Variants in ARL6IP6 observed in about 807,000 individuals in gnomAD.
ARL6IP6 encodes the protein ARF like GTPase 6 interacting protein 6, also known as ADP-ribosylation factor-like protein 6-interacting protein 6.
In ARL6IP6, 22 loss-of-function variants were observed where a neutral mutation model predicts 21.5. The observed-to-expected ratio is 1.02, with a 90% CI of 0.73 to 1.46. ARL6IP6 has a LOEUF of 1.46. ARL6IP6 is among the 40% of genes most tolerant of loss of function. The pLI, the probability that ARL6IP6 is intolerant of heterozygous loss-of-function variation, is 0.00. For synonymous variants in ARL6IP6, 164 were observed against 125.3 expected, an observed-to-expected ratio of 1.31 and a Z score of -2.06; for missense variants, 388 against 299.8, an observed-to-expected ratio of 1.29 and a Z score of -2.17.
At chr2:152,726,041 T>C (rs547188954) in intron 2 of ARL6IP6, among the ~76,000 whole-genome samples, 1 of 152,352 alleles carries the variant, frequency 6.6e-6, no homozygotes, top group Non-Finnish European at 1.5e-5. Flanking sequence ...TTTAACAGGA[T>C]TGCCCATGAA....
At position 152,761,917 on chromosome 2, in the gene ARL6IP6, A is replaced by G. The variant is rs1199857872; in HGVS notation, c.*2077A>G. On this transcript the variant is annotated 3_prime_UTR_variant, in exon 4 of 4. Transcript: ENST00000326446. Reference sequence around the variant, plus strand: ...ATGACTATATATACCTACAAGATATATATTAATATAGATAAATATAGAGAG... The same window carrying G: ...ATGACTATATATACCTACAAGATATGTATTAATATAGATAAATATAGAGAG... Among the ~76,000 whole-genome samples, 5 of 152,192 alleles carry G rather than the reference A, an allele frequency of 3.3e-5. No individual in the cohort carries two copies. Among genetic ancestry groups the G allele is most frequent in the African/African-American group, 1.2e-4 (5 of 41,438 alleles).
intron 3 of ARL6IP6, among the ~76,000 whole-genome samples, chr2:152,737,188 A>G (rs957176391): frequency 2.0e-5 from 3 of 152,162 alleles, no homozygotes; most frequent in Non-Finnish European, 2.9e-5. Flanking sequence ...TTAGCTTGAC[A>G]TCCCCCTCAT....
chr2:152,753,138 CA>C lies in ARL6IP6; in HGVS notation c.588-6599del, dbSNP rs557672257. 1.3e-4 allele frequency among the ~76,000 whole-genome samples: 19 copies of C among 146,358 alleles called. 1 individual carries two copies. Among genetic ancestry groups the C allele is most frequent in the South Asian group, 6.5e-4 (3 of 4,610 alleles). The stretch of plus-strand genomic sequence containing the variant: ...TGGGTAACAGAGTGAGACCCTGTCT[CA>C]AAAAAAAAATAAAAGCAGGAGACTG... On this transcript the variant is annotated intron_variant, in intron 3 of 3. Coordinates refer to ENST00000326446, the MANE Select transcript of ARL6IP6 (RefSeq NM_152522.7).
intron 3 of ARL6IP6, among the ~76,000 whole-genome samples, chr2:152,741,493 C>T (rs1455297483): frequency 1.3e-5 from 2 of 150,946 alleles, no homozygotes; most frequent in Non-Finnish European, 2.9e-5. Flanking sequence ...AGAAACAAAC[C>T]CCTCAGAGGA....
At chr2:152,746,907 C>G (rs535471351) in intron 3 of ARL6IP6, among the ~76,000 whole-genome samples, 3 of 139,002 alleles carry the variant, frequency 2.2e-5, no homozygotes, top group African/African-American at 8.1e-5. Context: ...CTCACTGCAG[C>G]CTCAACTGCC....
At chr2:152,733,463 G>A (rs543207965) in intron 2 of ARL6IP6, among the ~76,000 whole-genome samples, 22 of 152,028 alleles carry the variant, frequency 1.4e-4, no homozygotes, top group Non-Finnish European at 2.8e-4. Flanking sequence ...TGGTTTCACC[G>A]TGTTGGCCAG....
intron 3 of ARL6IP6, among the ~76,000 whole-genome samples, chr2:152,753,520 T>C (rs1006106798): frequency 2.0e-5 from 3 of 152,184 alleles, no homozygotes; most frequent in African/African-American, 7.2e-5. Context: ...TTTGCACATT[T>C]ATTGTATCAG....
Position 152,762,385 on chromosome 2 carries a change from C to CT in ARL6IP6, c.*2548dup, listed in dbSNP as rs1463391677. Among the ~76,000 whole-genome samples the CT allele has an allele frequency of 6.6e-6, 1 of 152,156 alleles. No homozygotes were observed. Among genetic ancestry groups the CT allele is most frequent in the Non-Finnish European group, 1.5e-5 (1 of 68,018 alleles). ...AGTCAATAAATTTCTGTCTTTTGGC[C>CT]TTTGCAGTTTACATTGGCTTTTGTC... On this transcript the variant is annotated 3_prime_UTR_variant, in exon 4 of 4. Coordinates refer to ENST00000326446, the MANE Select transcript of ARL6IP6 (RefSeq NM_152522.7).
intron 3 of ARL6IP6, among the ~76,000 whole-genome samples, chr2:152,753,699 CTTTTT>C (rs138584533): frequency 1.1e-3 from 115 of 107,366 alleles, no homozygotes; most frequent in Non-Finnish European, 2.0e-3. Context: ...TTCAGGTCCT[CTTTTT>C]TTTTTTTTTT....
intron 3 of ARL6IP6, among the ~76,000 whole-genome samples, chr2:152,743,387 C>T (rs1239526984): frequency 2.0e-5 from 3 of 152,102 alleles, no homozygotes; most frequent in Non-Finnish European, 4.4e-5. Context: ...TTAGATCAAA[C>T]GTCAAATTTA....
chr2:152,721,059 A>G (rs1177842812), intron 2 of ARL6IP6, among the ~76,000 whole-genome samples: 1 of 152,094 alleles, frequency 6.6e-6, no homozygotes, highest in Non-Finnish European at 1.5e-5. Flanking sequence ...GTTACACTGC[A>G]CTCCAGCCTG....
intron 3 of ARL6IP6, among the ~76,000 whole-genome samples, chr2:152,746,970 C>T (rs978236095): frequency 2.0e-5 from 3 of 151,512 alleles, no homozygotes; most frequent in Admixed American, 6.6e-5. Flanking sequence ...GGACTACAGG[C>T]GAGTGCTGCT....
At chr2:152,727,776 T>C (rs546114996) in intron 2 of ARL6IP6, among the ~76,000 whole-genome samples, 1 of 152,308 alleles carries the variant, frequency 6.6e-6, no homozygotes, top group South Asian at 2.1e-4. Context: ...CATAGGTGTG[T>C]AGTAGGCTAT....
At chr2:152,754,032 TTTTTTTG>T (rs950725483) in intron 3 of ARL6IP6, among the ~76,000 whole-genome samples, 29 of 151,694 alleles carry the variant, frequency 1.9e-4, no homozygotes, top group African/African-American at 6.0e-4. Context: ...CAGTAAAGTG[TTTTTTTG>T]TTTTTTGTTT....
chr2:152,734,153 C>G (rs1483634817), intron 2 of ARL6IP6, among the ~76,000 whole-genome samples: 11 of 152,090 alleles, frequency 7.2e-5, no homozygotes, highest in Admixed American at 7.2e-4. Context: ...TTTCTTTTCC[C>G]TTTATGCCTC....
upstream of ARL6IP6, chr2:152,718,227 G>A: frequency 2.6e-6 from 1 of 378,882 alleles, no homozygotes; most frequent in Non-Finnish European, 3.7e-6. Context: ...GCGCGAGCGG[G>A]CGCTAGGACC....
rs773272946 is a variant in ARL6IP6 at position 152,718,675 on chromosome 2, C to T, written c.51C>T (p.Pro17=). The change falls in exon 1 of 4, where the codon CCC becomes CCT. Residue 17 remains proline (P), a synonymous_variant. Coordinates refer to ENST00000326446, the MANE Select transcript of ARL6IP6 (RefSeq NM_152522.7). ...GWRSALRRRG[P]GTPGPVARPS... is the part of the protein sequence containing the mutation. Reference sequence around the variant, plus strand: ...GGTCGGCTCTGCGGCGCCGCGGTCCCGGCACCCCGGGCCCTGTGGCTCGGC... The same window carrying T: ...GGTCGGCTCTGCGGCGCCGCGGTCCTGGCACCCCGGGCCCTGTGGCTCGGC... The T allele has an allele frequency of 2.2e-5, 34 of 1,577,278 alleles. No homozygotes were observed. The highest frequency in any genetic ancestry group is 2.8e-5 in the Non-Finnish European group (33 of 1,160,974).
chr2:152,723,207 T>G (rs1699874882), intron 2 of ARL6IP6, among the ~76,000 whole-genome samples: 1 of 152,206 alleles, frequency 6.6e-6, no homozygotes, highest in Non-Finnish European at 1.5e-5. Flanking sequence ...TTTTTACAAT[T>G]AATAAGACAG....
rs866224994 is a variant in ARL6IP6 at position 152,726,458 on chromosome 2, T to C, written c.454+5872T>C. On this transcript the variant is annotated intron_variant, in intron 2 of 3. Transcript: ENST00000326446. ...GGCTTTGACGTGTAAAGAGACACTTTGCTCTAGGGATTTAAAGACTTGAGC... is the reference window on the plus strand; with the variant it reads ...GGCTTTGACGTGTAAAGAGACACTTCGCTCTAGGGATTTAAAGACTTGAGC... Among the ~76,000 whole-genome samples, 8 of 152,360 alleles carry C rather than the reference T, an allele frequency of 5.3e-5. No homozygotes were observed. The South Asian group carries it at 1.7e-3, about 32-fold the overall frequency.
Sources: allele counts gnomAD v4.1 joint callset (sites outside exome capture counted in the v4.1 genomes callset), GRCh38; gene constraint gnomAD v4.1.1; transcripts MANE v1.5; gene names NCBI Gene and HGNC (gene_info 2026-07-23, HGNC 2026-07-21).